The following SVEP1 variants were observed in gnomAD, a reference collection of about 807,000 sequenced individuals.
SVEP1 encodes sushi, von Willebrand factor type A, EGF and pentraxin domain-containing protein 1.
In SVEP1, 164 loss-of-function variants were observed where a neutral mutation model predicts 367.3. The ratio of observed to expected loss-of-function variants is 0.45; its 90% CI spans 0.39 to 0.51. The LOEUF is 0.51. SVEP1 is among the 20% of genes least tolerant of loss of function. SVEP1 has a pLI of 0.00. For missense variants in SVEP1, 4,117 were observed against 4,425.3 expected, an observed-to-expected ratio of 0.93 and a Z score of 1.98; for synonymous variants, 1,666 against 1,611.6, an observed-to-expected ratio of 1.03 and a Z score of -0.81.
At position 110,450,224 on chromosome 9, in the gene SVEP1, G is replaced by A. The variant is rs775279035; in HGVS notation, c.3938C>T (p.Ser1313Leu). The A allele has an allele frequency of 2.5e-6, 4 of 1,613,864 alleles. No homozygotes were observed. The highest frequency in any genetic ancestry group is 3.4e-6 in the Non-Finnish European group (4 of 1,179,810). ...HCETEVNECQSNPCLNNAVCE... is the reference protein window; with the variant it reads ...HCETEVNECQLNPCLNNAVCE... ...GACTGCATTATTTAAGCATGGGTTT[G>A]ACTGGCATTCATTGACTTCTGTTTC... Residue 1313 changes from serine to leucine, a missense_variant, in exon 24 of 48, where the codon TCA becomes TTA. By Grantham distance (145) the Ser-to-Leu change is moderately radical. Transcript: ENST00000374469.
intron 43 of SVEP1, 56 bp from the exon 44 acceptor site, chr9:110,379,573 C>A: frequency 6.4e-7 from 1 of 1,556,364 alleles, no homozygotes; most frequent in Non-Finnish European, 8.8e-7. Flanking sequence ...ACTGAGAACA[C>A]AGTCTCATCT....
At chr9:110,551,016 G>T (rs1830279114) in intron 1 of SVEP1, among the ~76,000 whole-genome samples, 1 of 151,972 alleles carries the variant, frequency 6.6e-6, no homozygotes, top group African/African-American at 2.4e-5. Context: ...AAGCACCAGG[G>T]TATATTTTCT....
Position 110,503,100 on chromosome 9 carries a change from C to G in SVEP1, c.1421G>C (p.Gly474Ala), listed in dbSNP as rs1668268138. Residue 474 changes from glycine (G) to alanine (A), a missense_variant, in exon 6 of 48, where the codon GGC becomes GCC. Physicochemically the swap from Gly to Ala is moderately conservative, Grantham distance 60 (BLOSUM62 0). Coordinates refer to ENST00000374469, the MANE Select transcript of SVEP1 (RefSeq NM_153366.4). ...TCCTTGACAAGTAAGCTTATCACTGCCTTCTAGTCTGTACCCTTCATCACA... is the reference window on the plus strand; with the variant it reads ...TCCTTGACAAGTAAGCTTATCACTGGCTTCTAGTCTGTACCCTTCATCACA... ...VACDEGYRLE[G>A]SDKLTCQGNS... 1 of 1,611,234 alleles carries G rather than the reference C, an allele frequency of 6.2e-7. No individual in the cohort carries two copies. The highest frequency in any genetic ancestry group is 8.5e-7 in the Non-Finnish European group (1 of 1,177,872).
chr9:110,453,452 A>G (rs909122532), intron 22 of SVEP1, among the ~76,000 whole-genome samples: 7 of 152,230 alleles, frequency 4.6e-5, no homozygotes, highest in Admixed American at 3.3e-4. Flanking sequence ...ATATACACTT[A>G]GAGAAATCTC....
intron 37 of SVEP1, among the ~76,000 whole-genome samples, chr9:110,409,578 C>G (rs1828013852): frequency 6.6e-6 from 1 of 152,122 alleles, no homozygotes; most frequent in African/African-American, 2.4e-5. Context: ...TGATAAATTA[C>G]TCAGTTCAAA....
Position 110,411,712 on chromosome 9 carries a change from G to C in SVEP1, c.5999C>G (p.Thr2000Ser). 3.2e-6 allele frequency: 5 copies of C among 1,586,574 alleles called. No homozygotes were observed. The highest frequency in any genetic ancestry group is 4.3e-6 in the Non-Finnish European group (5 of 1,166,398). Residue 2000 changes from threonine to serine, a missense_variant, in exon 37 of 48, where the codon ACC becomes AGC. By Grantham distance (58) the Thr-to-Ser change is moderately conservative. Transcript: ENST00000374469. Reference protein sequence around the residue: ...KEGYTLAGLDTIECLADGKWS... With the variant: ...KEGYTLAGLDSIECLADGKWS... ...CTTGCCGTCGGCCAGGCATTCAATG[G>C]TGTCAAGACCAGCAAGAGTATAGCT...
intron 17 of SVEP1, among the ~76,000 whole-genome samples, chr9:110,466,616 C>T (rs1040636327): frequency 1.3e-5 from 2 of 151,044 alleles, no homozygotes; most frequent in Non-Finnish European, 2.9e-5. Flanking sequence ...AAAAAATTAG[C>T]CGGGCGTAGT....
chr9:110,482,311 G>T, intron 11 of SVEP1, 50 bp downstream of exon 11: 1 of 1,584,656 alleles, frequency 6.3e-7, no homozygotes, highest in South Asian at 1.2e-5. Flanking sequence ...CTATAGCAAT[G>T]ACATGTGTCA....
intron 5 of SVEP1, among the ~76,000 whole-genome samples, chr9:110,506,223 G>A (rs567910786): frequency 3.3e-5 from 5 of 152,168 alleles, no homozygotes; most frequent in South Asian, 4.1e-4. Flanking sequence ...TATCATTAAT[G>A]GGCATTTGGG....
intron 3 of SVEP1, among the ~76,000 whole-genome samples, chr9:110,517,751 TAAAAAAAAAA>T (rs5899902): frequency 2.0e-5 from 1 of 50,528 alleles, no homozygotes; most frequent in Non-Finnish European, 3.4e-5. Flanking sequence ...ACCTGGCTCT[TAAAAAAAAAA>T]AAAAAAAAAA....
At chr9:110,498,321 G>T (rs935449979) in intron 7 of SVEP1, among the ~76,000 whole-genome samples, 5 of 152,176 alleles carry the variant, frequency 3.3e-5, no homozygotes, top group Non-Finnish European at 7.4e-5. Context: ...TCTTGGTAGA[G>T]AAATTTTTCT....
intron 39 of SVEP1, among the ~76,000 whole-genome samples, chr9:110,403,296 G>GTTTTTTGTT (rs1827893412): frequency 2.3e-5 from 1 of 43,454 alleles, no homozygotes; most frequent in African/African-American, 1.2e-4. Flanking sequence ...CGCCACCGCC[G>GTTTTTTGTT]TTTTTTTTTT....
intron 1 of SVEP1, among the ~76,000 whole-genome samples, chr9:110,568,368 G>A (rs570363385): frequency 5.3e-5 from 8 of 152,304 alleles, no homozygotes; most frequent in East Asian, 1.9e-4. Flanking sequence ...CAGAGTGTGC[G>A]ATGAACATTC....
At chr9:110,402,735 G>C (rs539701538) in intron 39 of SVEP1, among the ~76,000 whole-genome samples, 6 of 152,258 alleles carry the variant, frequency 3.9e-5, no homozygotes, top group Admixed American at 2.0e-4. Context: ...AGACAGCTCA[G>C]AGTCTTAGAC....
chr9:110,430,566 C>T (rs1588049599), intron 32 of SVEP1, 116 bp from the exon 33 acceptor site: 8 of 1,095,040 alleles, frequency 7.3e-6, no homozygotes, highest in Non-Finnish European at 9.0e-6. Context: ...AAGAGAAAAC[C>T]TCGTGAAGGG....
At chr9:110,426,640 G>A (rs1469912021) in intron 36 of SVEP1, among the ~76,000 whole-genome samples, 1 of 152,106 alleles carries the variant, frequency 6.6e-6, no homozygotes, top group Non-Finnish European at 1.5e-5. Context: ...AGGATGCATA[G>A]AGAAAAAACA....
chr9:110,427,605 G>GT lies in SVEP1; in HGVS notation c.5960dup (p.Tyr1987Ter). The change falls in exon 36 of 48, where the codon TAC (tyrosine) becomes TAAC (stop). Residue 1987 changes from tyrosine to a stop codon, truncating the protein, a stop_gained and frameshift_variant. Coordinates refer to ENST00000374469, the MANE Select transcript of SVEP1 (RefSeq NM_153366.4). LOFTEE classifies it high-confidence loss of function. ...GCCCTACTCACCCTTCTTTGCAAGT[G>GT]TAAGTGACGGTGTTCCTGAAAGTGA... ...NNFTFRNTVT[Y>*]TCKEGYTLAG... 2 of 1,613,554 alleles carry GT rather than the reference G, an allele frequency of 1.2e-6. No homozygotes were observed. Among genetic ancestry groups the GT allele is most frequent in the Non-Finnish European group, 1.7e-6 (2 of 1,179,638 alleles).
At chr9:110,467,623 C>T (rs1037336418) in intron 17 of SVEP1, among the ~76,000 whole-genome samples, 1 of 148,860 alleles carries the variant, frequency 6.7e-6, no homozygotes, top group Non-Finnish European at 1.5e-5. Context: ...TGGCATCTCC[C>T]CTGTCTTTTT....
chr9:110,493,515 C>T (rs1340763338), intron 8 of SVEP1, among the ~76,000 whole-genome samples: 2 of 151,988 alleles, frequency 1.3e-5, no homozygotes, highest in African/African-American at 4.8e-5. Flanking sequence ...CAGGAGATCA[C>T]TGGGTCAGGA....
Sources: gnomAD v4.1 joint callset for allele counts (sites outside exome capture counted in the v4.1 genomes callset) on GRCh38, gnomAD v4.1.1 for gene constraint, MANE v1.5 for transcripts, NCBI Gene and HGNC (gene_info 2026-07-23, HGNC 2026-07-21) for gene names.